Variants in ZFYVE9 observed in about 807,000 individuals in gnomAD.
ZFYVE9 encodes zinc finger FYVE domain-containing protein 9.
A neutral mutation model predicts 126.7 loss-of-function variants in ZFYVE9; 43 were observed. The ratio of observed to expected loss-of-function variants is 0.34; its 90% CI spans 0.27 to 0.44. ZFYVE9 has a LOEUF of 0.44. Ranked by LOEUF, ZFYVE9 falls within the 20% of genes least tolerant of loss-of-function variation. The pLI is 1.00. For missense variants in ZFYVE9, 1,476 were observed against 1,697.0 expected (o/e 0.87, Z 2.29); for synonymous variants, 521 against 597.4 (o/e 0.87, Z 1.87).
chr1:52,329,347 C>T (rs1032750205), intron 13 of ZFYVE9, among the ~76,000 whole-genome samples: 2 of 152,058 alleles, frequency 1.3e-5, no homozygotes, highest in Non-Finnish European at 2.9e-5. Flanking sequence ...TGACTCAAAA[C>T]AATCAACCAA....
chr1:52,229,186 A>G (rs1302418237), intron 2 of ZFYVE9, among the ~76,000 whole-genome samples: 1 of 152,180 alleles, frequency 6.6e-6, no homozygotes, highest in Non-Finnish European at 1.5e-5. Flanking sequence ...TATTTTGGAA[A>G]GTTCAGATCA....
intron 9 of ZFYVE9, among the ~76,000 whole-genome samples, chr1:52,279,030 C>T (rs539697429): frequency 1.6e-3 from 246 of 152,122 alleles, no homozygotes; most frequent in African/African-American, 5.7e-3. Flanking sequence ...TGAGCCACCG[C>T]GCCTGGCCTA....
At chr1:52,314,935 G>C (rs181069599) in intron 13 of ZFYVE9, among the ~76,000 whole-genome samples, 4 of 152,308 alleles carry the variant, frequency 2.6e-5, no homozygotes, top group African/African-American at 9.6e-5. Flanking sequence ...AGTGAGCTGA[G>C]ATCGTGCCAC....
chr1:52,331,785 T>TA (rs1325068411), intron 13 of ZFYVE9, among the ~76,000 whole-genome samples: 3 of 150,032 alleles, frequency 2.0e-5, no homozygotes, highest in African/African-American at 7.3e-5. Flanking sequence ...TTTTTTTTTT[T>TA]TTATTTTTTT....
At chr1:52,207,820 A>T (rs1341783465) in intron 1 of ZFYVE9, among the ~76,000 whole-genome samples, 1 of 152,346 alleles carries the variant, frequency 6.6e-6, no homozygotes, top group Non-Finnish European at 1.5e-5. Context: ...TTTCTGTTCT[A>T]ATTCTTTCAC....
At chr1:52,181,354 G>A (rs1194520517) in intron 1 of ZFYVE9, among the ~76,000 whole-genome samples, 1 of 152,254 alleles carries the variant, frequency 6.6e-6, no homozygotes, top group Admixed American at 6.5e-5. Context: ...CGAGGTGCTG[G>A]GATTGCAGAC....
intron 1 of ZFYVE9, among the ~76,000 whole-genome samples, chr1:52,164,016 A>G (rs920674059): frequency 4.0e-5 from 6 of 151,840 alleles, no homozygotes; most frequent in South Asian, 2.1e-4. Flanking sequence ...TAGTGGCTCA[A>G]TCACTGCTCA....
At chr1:52,334,068 G>A (rs1052762327) in intron 14 of ZFYVE9, among the ~76,000 whole-genome samples, 1 of 151,718 alleles carries the variant, frequency 6.6e-6, no homozygotes, top group African/African-American at 2.4e-5. Context: ...ACGTCAGCCT[G>A]GGTGACAGAG....
chr1:52,266,405 TAAAAAAAAAA>T (rs33996604), intron 5 of ZFYVE9, among the ~76,000 whole-genome samples: 1,546 of 85,666 alleles, frequency 0.018, 40 homozygotes, highest in African/African-American at 0.07. Context: ...TCTAATTCTT[TAAAAAAAAAA>T]AAAAAAAAAA....
At chr1:52,201,434 T>G (rs1414828033) in intron 1 of ZFYVE9, among the ~76,000 whole-genome samples, 1 of 144,754 alleles carries the variant, frequency 6.9e-6, no homozygotes, top group African/African-American at 2.5e-5. Flanking sequence ...TGGAGTGCAG[T>G]GGCGCAATCT....
chr1:52,311,121 C>G (rs1646133290), intron 13 of ZFYVE9, among the ~76,000 whole-genome samples: 1 of 152,138 alleles, frequency 6.6e-6, no homozygotes, highest in Non-Finnish European at 1.5e-5. Flanking sequence ...CTGCCTTGGC[C>G]TCCTCAAAGT....
chr1:52,226,341 G>T (rs1291514440), intron 2 of ZFYVE9, among the ~76,000 whole-genome samples: 2 of 152,010 alleles, frequency 1.3e-5, no homozygotes, highest in Non-Finnish European at 2.9e-5. Context: ...ATGATTTCCA[G>T]CCTGGCCAAC....
At chr1:52,265,388 A>T (rs1286160279) in intron 5 of ZFYVE9, among the ~76,000 whole-genome samples, 1 of 152,142 alleles carries the variant, frequency 6.6e-6, no homozygotes, top group East Asian at 1.9e-4. Flanking sequence ...AATCCTATGG[A>T]TCATTCTTTG....
Position 52,253,760 on chromosome 1 carries a change from A to G in ZFYVE9, c.2179-10013A>G, listed in dbSNP as rs766027180. 795 of 1,607,934 alleles carry G rather than the reference A, an allele frequency of 4.9e-4. 2 individuals carry two copies. The highest frequency in any genetic ancestry group is 5.6e-4 in the Non-Finnish European group (655 of 1,174,618). On this transcript the variant is annotated intron_variant, in intron 4 of 18. Coordinates refer to ENST00000287727, the MANE Select transcript of ZFYVE9 (RefSeq NM_004799.4). ...GGATTTGGAGTGGATCAGTTACGAG[A>G]TGACAATCTAGAAACTTATTGGCAA...
At chr1:52,148,652 T>G (rs2124491095) in intron 1 of ZFYVE9, among the ~76,000 whole-genome samples, 1 of 151,966 alleles carries the variant, frequency 6.6e-6, no homozygotes, top group South Asian at 2.1e-4. Flanking sequence ...TCTTTCTTTT[T>G]TTTTTTTGAG....
At chr1:52,329,910 A>G (rs879466377) in intron 13 of ZFYVE9, among the ~76,000 whole-genome samples, 1 of 152,068 alleles carries the variant, frequency 6.6e-6, no homozygotes, top group Non-Finnish European at 1.5e-5. Context: ...CTCAAAAACA[A>G]AACAAAAAAA....
At chr1:52,193,490 T>G (rs1644833601) in intron 1 of ZFYVE9, among the ~76,000 whole-genome samples, 1 of 150,688 alleles carries the variant, frequency 6.6e-6, no homozygotes, top group Non-Finnish European at 1.5e-5. Flanking sequence ...GTGGATCACC[T>G]GAGGTCAGGA....
intron 8 of ZFYVE9, among the ~76,000 whole-genome samples, chr1:52,276,752 G>C (rs952678203): frequency 2.0e-5 from 3 of 152,160 alleles, no homozygotes; most frequent in Admixed American, 6.5e-5. Context: ...AGAAAATAGT[G>C]ATTTGCTTCA....
chr1:52,221,378 C>T (rs1645123178), intron 2 of ZFYVE9, among the ~76,000 whole-genome samples: 1 of 152,150 alleles, frequency 6.6e-6, no homozygotes, highest in Non-Finnish European at 1.5e-5. Flanking sequence ...TGCGTAGATT[C>T]TTCTGGGTTT....
Sources: gnomAD v4.1 joint callset for allele counts (sites outside exome capture counted in the v4.1 genomes callset) on GRCh38, gnomAD v4.1.1 for gene constraint, MANE v1.5 for transcripts, NCBI Gene and HGNC (gene_info 2026-07-23, HGNC 2026-07-21) for gene names.